BTNL9: variants seen among roughly 807,000 people sequenced by gnomAD.
BTNL9 encodes the protein butyrophilin-like protein 9.
Under a neutral mutation model 45.8 loss-of-function variants are expected in BTNL9, and 45 were observed. The observed-to-expected ratio is 0.98, with a 90% CI of 0.77 to 1.26. The LOEUF is 1.26. Ranked by LOEUF, BTNL9 falls within the 50% of genes most tolerant of loss-of-function variation. BTNL9 has a pLI of 0.00. For missense variants in BTNL9, 784 were observed against 729.7 expected, an observed-to-expected ratio of 1.07 and a Z score of -0.86; for synonymous variants, 346 against 330.8, an observed-to-expected ratio of 1.05 and a Z score of -0.50.
intron 9 of BTNL9, 148 bp downstream of exon 9, chr5:181,056,163 C>G: frequency 1.1e-6 from 1 of 939,714 alleles, no homozygotes; most frequent in Non-Finnish European, 1.7e-6. Context: ...GGGTAGAGGT[C>G]ATACTCTGTC....
At position 181,059,246 on chromosome 5, in the gene BTNL9, C is replaced by T. The variant is rs774921430; in HGVS notation, c.992C>T (p.Thr331Met). The T allele has an allele frequency of 3.2e-6, 5 of 1,559,680 alleles. No individual in the cohort carries two copies. The South Asian group carries it at 4.7e-5, about 15-fold the overall frequency. The change falls in exon 11 of 11, where the codon ACG (threonine) becomes ATG (methionine). Residue 331 changes from threonine to methionine, a missense_variant. Physicochemically the swap from Thr to Met is moderately conservative, Grantham distance 81. Transcript: ENST00000327705. ...CTGTGGCTCTGCGCAGTGGATGTGA[C>T]GCTGGACCCGGCCTCGGCGCACCCC... The part of the protein sequence containing the change: ...RAAQKYAVDV[T>M]LDPASAHPSL...
At chr5:181,054,339 G>A (rs935014467) in intron 7 of BTNL9, 80 bp downstream of exon 7, 20 of 1,585,672 alleles carry the variant, frequency 1.3e-5, no homozygotes, top group Middle Eastern at 2.4e-4. Flanking sequence ...GGCTCCCTTT[G>A]GACAGCGGCT....
rs370543834 is a variant in BTNL9, at chr5:181,045,671, A to T, written c.109+73A>T. On this transcript the variant is annotated intron_variant, in intron 2 of 10. Transcript: ENST00000327705. ...CTGCCAGGTGCTCCCCAGGGCTACG[A>T]TCTTAGCACAGTACCAGGGCGTGCC... 171 of 1,215,232 alleles carry T rather than the reference A, an allele frequency of 1.4e-4. No individual in the cohort carries two copies. In the East Asian group the frequency reaches 3.9e-3, roughly 28 times the overall value. The allele number at this position is 1,215,232 out of a possible 1,614,324, so 75.3% of individuals were successfully genotyped here. A position where few individuals can be genotyped will look rare whatever the true frequency, so the allele number is the denominator to read the frequency against.
At position 181,053,791 on chromosome 5, in the gene BTNL9, G is replaced by T; in HGVS notation, c.886+290G>T. ...CTTCACATCACACTGTACAGAGGGA[G>T]CGGTGACCAGGGTCTCTGCTGCCAG... On this transcript the variant is annotated intron_variant, in intron 6 of 10. Transcript: ENST00000327705. This position sits in a 1 kb window ranked among gnomAD's most constrained non-coding sequence, Gnocchi z 6.5. 1 of 1,523,332 alleles carries T rather than the reference G, an allele frequency of 6.6e-7. No homozygotes were observed. The highest frequency in any genetic ancestry group is 8.8e-7 in the Non-Finnish European group (1 of 1,138,644). 94.4% of individuals were successfully genotyped at this position (1,523,332 alleles called of 1,614,324 possible). A position where few individuals can be genotyped will look rare whatever the true frequency, so the allele number is the denominator to read the frequency against.
rs751895917 is a variant in BTNL9, at chr5:181,045,598, G to A, written c.109G>A (p.Glu37Lys). 5 of 1,608,852 alleles carry A rather than the reference G, an allele frequency of 3.1e-6. No homozygotes were observed. Among genetic ancestry groups the A allele is most frequent in the Admixed American group, 3.3e-5 (2 of 59,938 alleles). The change falls in exon 2 of 11, where the codon GAG becomes AAG. Residue 37 changes from glutamate (E) to lysine (K), a missense_variant and splice_region_variant. Coordinates refer to ENST00000327705, the MANE Select transcript of BTNL9 (RefSeq NM_152547.5). ...LLLQPGEPSS[E>K]VKVLGPEYPI... ...CCTTCAGCCTGGGGAGCCGAGCTCA[G>A]GTATTGTGTCTGCAGCCTAGCTGGC... is the stretch of plus-strand genomic sequence containing the variant.
chr5:181,056,270 A>T (rs1001189537), intron 9 of BTNL9, among the ~76,000 whole-genome samples: 1 of 152,156 alleles, frequency 6.6e-6, no homozygotes, highest in African/African-American at 2.4e-5. Flanking sequence ...ACTCAGACTC[A>T]TGGTTCTGGC....
In BTNL9 at chr5:181,050,351, T is replaced by C; in HGVS notation, c.718T>C (p.Leu240=). 8 of 1,613,866 alleles carry C rather than the reference T, an allele frequency of 5.0e-6. No individual in the cohort carries two copies. Among genetic ancestry groups the C allele is most frequent in the Non-Finnish European group, 6.8e-6 (8 of 1,179,996 alleles). Residue 240 remains leucine, a synonymous_variant, in exon 4 of 11, where the codon TTG becomes CTG. Coordinates refer to ENST00000327705, the MANE Select transcript of BTNL9 (RefSeq NM_152547.5). The surrounding 1 kb of genome is among the most constrained non-coding windows in gnomAD (Gnocchi z 4.9). ...TCTCCTCTTGAGCCAGAAGAAAGAG[T>C]TGGTGGTCCAGATAGCAGGTCAGTG... is the stretch of plus-strand genomic sequence containing the variant. ...QNLLLSQKKE[L]VVQIADVFVP... is the part of the protein sequence containing the mutation.
At position 181,048,113 on chromosome 5, in the gene BTNL9, C is replaced by T. The variant is rs138611922; in HGVS notation, c.296C>T (p.Ala99Val). The T allele has an allele frequency of 4.8e-5, 77 of 1,613,580 alleles. No homozygotes were observed. The African/African-American group carries it at 6.5e-4, about 14-fold the overall frequency. Residue 99 changes from alanine (A) to valine (V), a missense_variant, in exon 3 of 11, where the codon GCG becomes GTG. Coordinates refer to ENST00000327705, the MANE Select transcript of BTNL9 (RefSeq NM_152547.5). ...QQELPGRQMP[A>V]FRNRTKLVKD... ...GAGCTCCCTGGCAGGCAGATGCCGG[C>T]GTTCCGGAACAGGACCAAGTTGGTC...
At chr5:181,048,572 T>C (rs115367426) in intron 3 of BTNL9, among the ~76,000 whole-genome samples, 3,763 of 151,288 alleles carry the variant, frequency 0.025, 50 homozygotes, top group Middle Eastern at 0.051. Context: ...CCAGGCAACA[T>C]AGGGAGACCC....
At chr5:181,041,436 T>C (rs568165674) in intron 1 of BTNL9, among the ~76,000 whole-genome samples, 1 of 152,236 alleles carries the variant, frequency 6.6e-6, no homozygotes, top group Admixed American at 6.5e-5. Flanking sequence ...AAAGCAGGTT[T>C]TATTTTGTTA....
Position 181,050,505 on chromosome 5 carries a change from G to T in BTNL9, c.736+136G>T, listed in dbSNP as rs7701349. 0.046 allele frequency: 50,046 copies of T among 1,076,734 alleles called. 1,549 individuals carry two copies. Among genetic ancestry groups the T allele is most frequent in the African/African-American group, 0.13 (7,969 of 63,364 alleles). 66.7% of individuals were successfully genotyped at this position (1,076,734 alleles called of 1,614,324 possible). A position where few individuals can be genotyped will look rare whatever the true frequency, so the allele number is the denominator to read the frequency against. ...GTGTGTTGGCCTTGACACCTGAAAA[G>T]TCAGCACCTTGGATATTAGGAACAC... On this transcript the variant is annotated intron_variant, in intron 4 of 10. Transcript: ENST00000327705. The surrounding 1 kb of genome is among the most constrained non-coding windows in gnomAD (Gnocchi z 4.9).
intron 2 of BTNL9, 106 bp downstream of exon 2, chr5:181,045,704 A>T: frequency 8.0e-6 from 7 of 869,890 alleles, no homozygotes; most frequent in Non-Finnish European, 1.3e-5. Flanking sequence ...GCCAGACGCT[A>T]AAATACAAAA....
At chr5:181,056,783 C>T (rs1385290221) in intron 9 of BTNL9, 1 of 583,526 alleles carries the variant, frequency 1.7e-6, no homozygotes, top group Non-Finnish European at 3.1e-6. Context: ...TTCCATGTGC[C>T]CACATCTCAT....
Position 181,053,332 on chromosome 5 carries a change from G to C in BTNL9, c.853+16G>C. 6.5e-7 allele frequency: 1 copy of C among 1,533,604 alleles called. No homozygotes were observed. The highest frequency in any genetic ancestry group is 8.8e-7 in the Non-Finnish European group (1 of 1,141,012). 95.0% of individuals were successfully genotyped at this position (1,533,604 alleles called of 1,614,324 possible). ...AGAAGCCGAGGTACCGGCGCGGGCGGCGGGGCGGGGAGGGGCACCGGCCGG... is the reference window on the plus strand; with the variant it reads ...AGAAGCCGAGGTACCGGCGCGGGCGCCGGGGCGGGGAGGGGCACCGGCCGG... On this transcript the variant is annotated intron_variant, in intron 5 of 10. Coordinates refer to ENST00000327705, the MANE Select transcript of BTNL9 (RefSeq NM_152547.5). The surrounding 1 kb of genome is among the most constrained non-coding windows in gnomAD (Gnocchi z 6.5).
chr5:181,046,471 G>T (rs114937501), intron 2 of BTNL9, among the ~76,000 whole-genome samples: 1,880 of 151,974 alleles, frequency 0.012, 42 homozygotes, highest in African/African-American at 0.043. Context: ...TTTACCCCTT[G>T]CAAATCTTCT....
chr5:181,056,549 T>A, intron 9 of BTNL9: 1 of 717,604 alleles, frequency 1.4e-6, no homozygotes, highest in Non-Finnish European at 2.6e-6. Flanking sequence ...GTGCTTCGTT[T>A]TAGCCAGCCA....
In BTNL9 at chr5:181,048,166, G is replaced by A. The variant is rs748667793; in HGVS notation, c.349G>A (p.Val117Ile). 6 of 1,613,412 alleles carry A rather than the reference G, an allele frequency of 3.7e-6. No individual in the cohort carries two copies. The South Asian group carries it at 5.5e-5, about 15-fold the overall frequency. ...VKDDIAYGSV[V>I]LQLHSIIPSD... ...GGACGACATCGCCTATGGCAGCGTG[G>A]TCCTGCAGCTTCACAGCATCATCCC... Residue 117 changes from valine (V) to isoleucine (I), a missense_variant, in exon 3 of 11, where the codon GTC (valine) becomes ATC (isoleucine). Physicochemically the swap from Val to Ile is conservative, Grantham distance 29 (BLOSUM62 3). Transcript: ENST00000327705.
At chr5:181,043,902 G>C (rs910166532) in intron 1 of BTNL9, among the ~76,000 whole-genome samples, 1 of 152,208 alleles carries the variant, frequency 6.6e-6, no homozygotes, top group African/African-American at 2.4e-5. Flanking sequence ...GACCCTGCCC[G>C]AGGCCTCTGC....
rs186444058 is a variant in BTNL9 at position 181,059,404 on chromosome 5, C to A, written c.1150C>A (p.His384Asn). ...CCTGGAGCGGTTCTCCGCCGGCCGC[C>A]ACTACTGGGAGGTGCACGTGGGCCG... ...LSLERFSAGRHYWEVHVGRRS... is the reference protein window; with the variant it reads ...LSLERFSAGRNYWEVHVGRRS... The change falls in exon 11 of 11, where the codon CAC becomes AAC. Residue 384 changes from histidine to asparagine, a missense_variant. Physicochemically the swap from His to Asn is moderately conservative, Grantham distance 68 (BLOSUM62 1). Transcript: ENST00000327705. 1 of 1,525,492 alleles carries A rather than the reference C, an allele frequency of 6.6e-7. No individual in the cohort carries two copies. Among genetic ancestry groups the A allele is most frequent in the African/African-American group, 1.4e-5 (1 of 70,122 alleles). The allele number at this position is 1,525,492 out of a possible 1,614,324, so 94.5% of individuals were successfully genotyped here.
Sources: gnomAD v4.1 joint callset for allele counts (sites outside exome capture counted in the v4.1 genomes callset) on GRCh38, gnomAD v4.1.1 for gene constraint, Gnocchi (gnomAD v3.1) non-coding constraint, MANE v1.5 for transcripts, NCBI Gene and HGNC (gene_info 2026-07-23, HGNC 2026-07-21) for gene names.